The following CDH12 variants were observed in gnomAD, a reference collection of about 807,000 sequenced individuals.
The protein encoded by CDH12 is cadherin 12.
Under a neutral mutation model 74.1 loss-of-function variants are expected in CDH12, and 41 were observed. That is an observed-to-expected ratio of 0.55 (90% confidence interval 0.43 to 0.72). The LOEUF (loss-of-function observed/expected upper bound fraction) is 0.72, where lower values mean the gene tolerates loss of function less well. Among genes scored for constraint, CDH12 ranks in the 30% least tolerant of loss-of-function variants. The pLI is 0.00. For missense variants in CDH12, 945 were observed against 977.2 expected, an observed-to-expected ratio of 0.97 and a Z score of 0.44; for synonymous variants, 399 against 355.0, an observed-to-expected ratio of 1.12 and a Z score of -1.39.
At chr5:22,164,007 G>C (rs1748516842) in intron 4 of CDH12, among the ~76,000 whole-genome samples, 1 of 152,184 alleles carries the variant, frequency 6.6e-6, no homozygotes, top group Non-Finnish European at 1.5e-5. Context: ...TATGTCCCAT[G>C]AATCTGTAGA....
chr5:22,532,350 G>GAGATATATATATATATATATATATATAT (rs1737621393), intron 1 of CDH12, among the ~76,000 whole-genome samples: 2 of 27,576 alleles, frequency 7.3e-5, no homozygotes, highest in African/African-American at 1.5e-4. Flanking sequence ...ATATAAATAG[G>GAGATATATATATATATATATATATATAT]ATATATATAT....
intron 1 of CDH12, among the ~76,000 whole-genome samples, chr5:22,658,662 A>T (rs1740186521): frequency 6.6e-6 from 1 of 152,100 alleles, no homozygotes; most frequent in Admixed American, 6.5e-5. Flanking sequence ...AAGAAAGAAG[A>T]CACCCTCCTA....
intron 1 of CDH12, among the ~76,000 whole-genome samples, chr5:22,520,532 T>C (rs950714424): frequency 6.6e-6 from 1 of 152,154 alleles, no homozygotes; most frequent in Non-Finnish European, 1.5e-5. Flanking sequence ...GTATGAATAA[T>C]ACAGCCATGG....
chr5:22,261,609 A>G (rs1753515147), intron 3 of CDH12, among the ~76,000 whole-genome samples: 1 of 152,074 alleles, frequency 6.6e-6, no homozygotes, highest in Admixed American at 6.6e-5. Context: ...TTTTCATACA[A>G]ATTAATGTAG....
intron 1 of CDH12, among the ~76,000 whole-genome samples, chr5:22,775,856 G>C (rs576957706): frequency 2.0e-5 from 3 of 152,198 alleles, no homozygotes; most frequent in East Asian, 1.9e-4. Context: ...AGGGACCCAG[G>C]GGGGAGGTAA....
rs191915433 is a variant in CDH12 at position 22,570,221 on chromosome 5, A to C, written c.-522-64857T>G. ...CAGGCGCCCACCACCACACCTGGCT[A>C]ATTTTTGTATTTTTACTAGGTTTCA... On this transcript the variant is annotated intron_variant, in intron 1 of 14. Coordinates refer to ENST00000382254, the MANE Select transcript of CDH12 (RefSeq NM_004061.5). 2.5e-3 allele frequency among the ~76,000 whole-genome samples: 377 copies of C among 151,696 alleles called. 1 individual carries two copies. Among genetic ancestry groups the C allele is most frequent in the Non-Finnish European group, 4.4e-3 (296 of 67,918 alleles).
chr5:22,827,697 A>T (rs1736408630), intron 1 of CDH12, among the ~76,000 whole-genome samples: 1 of 152,182 alleles, frequency 6.6e-6, no homozygotes, highest in Admixed American at 6.5e-5. Context: ...CATTGATGTA[A>T]ATCCAAAGAA....
chr5:22,386,899 T>C (rs1328545568), intron 3 of CDH12, among the ~76,000 whole-genome samples: 1 of 151,976 alleles, frequency 6.6e-6, no homozygotes, highest in Non-Finnish European at 1.5e-5. Context: ...ACTATAATTT[T>C]TAAAAATTTG....
At chr5:22,452,354 T>A (rs1745076835) in intron 2 of CDH12, among the ~76,000 whole-genome samples, 2 of 151,798 alleles carry the variant, frequency 1.3e-5, no homozygotes, top group South Asian at 4.1e-4. Context: ...AACAGCATAA[T>A]CCTAGCATAA....
rs528458218 is a variant in CDH12, at chr5:21,756,540, A to C, written c.1634-698T>G. 2.6e-5 allele frequency among the ~76,000 whole-genome samples: 4 copies of C among 152,276 alleles called. No homozygotes were observed. The South Asian group carries it at 8.3e-4, about 32-fold the overall frequency. ...CTTGCAATAATGTGAGACAATAAAA[A>C]TTACTATTTTTATATAAATGCAATT... On this transcript the variant is annotated intron_variant, in intron 13 of 14. Coordinates refer to ENST00000382254, the MANE Select transcript of CDH12 (RefSeq NM_004061.5).
At chr5:22,231,978 C>T (rs907801718) in intron 3 of CDH12, among the ~76,000 whole-genome samples, 4 of 151,754 alleles carry the variant, frequency 2.6e-5, no homozygotes, top group Admixed American at 1.3e-4. Context: ...CAACTATTTT[C>T]GAAGATATTT....
chr5:22,072,902 G>A (rs1173113734), intron 5 of CDH12, among the ~76,000 whole-genome samples: 1 of 152,058 alleles, frequency 6.6e-6, no homozygotes, highest in Non-Finnish European at 1.5e-5. Context: ...TAGACCACCT[G>A]GTTGACATGT....
chr5:22,627,560 C>A (rs545246527), intron 1 of CDH12, among the ~76,000 whole-genome samples: 2 of 151,972 alleles, frequency 1.3e-5, no homozygotes, highest in African/African-American at 4.8e-5. Flanking sequence ...GAATTCCTTG[C>A]CACTTTACAA....
intron 8 of CDH12, among the ~76,000 whole-genome samples, chr5:21,819,451 T>C (rs1300040472): frequency 6.6e-6 from 1 of 152,044 alleles, no homozygotes; most frequent in East Asian, 1.9e-4. Context: ...ATACGATTTA[T>C]CAGAAACTGT....
chr5:21,795,533 T>C (rs4566756), intron 10 of CDH12, among the ~76,000 whole-genome samples: 103,570 of 151,714 alleles, frequency 0.68, 36,327 homozygotes, highest in Non-Finnish European at 0.77. Context: ...AAATCTCTGC[T>C]GCTGTGCAGT....
intron 6 of CDH12, among the ~76,000 whole-genome samples, chr5:21,866,897 G>A (rs941551684): frequency 2.0e-5 from 3 of 152,130 alleles, no homozygotes; most frequent in African/African-American, 7.2e-5. Flanking sequence ...TTGTGGGCCT[G>A]CCCCAGGGTC....
At chr5:22,503,165 C>G (rs1736241833) in intron 2 of CDH12, among the ~76,000 whole-genome samples, 1 of 151,976 alleles carries the variant, frequency 6.6e-6, no homozygotes, top group Admixed American at 6.6e-5. Context: ...TTCTCTTTCC[C>G]TTTACTTTTT....
chr5:22,801,290 C>T (rs916821144), intron 1 of CDH12, among the ~76,000 whole-genome samples: 2 of 152,034 alleles, frequency 1.3e-5, no homozygotes, highest in African/African-American at 4.8e-5. Flanking sequence ...TTCAGTACAT[C>T]AGAAAATTAG....
chr5:22,689,552 T>G (rs766832049), intron 1 of CDH12, among the ~76,000 whole-genome samples: 16 of 152,018 alleles, frequency 1.1e-4, no homozygotes, highest in Admixed American at 2.0e-4. Context: ...AACTAGGAAG[T>G]TGACCCATAT....
Sources: gnomAD v4.1 joint callset for allele counts (sites outside exome capture counted in the v4.1 genomes callset) on GRCh38, gnomAD v4.1.1 for gene constraint, MANE v1.5 for transcripts, NCBI Gene and HGNC (gene_info 2026-07-23, HGNC 2026-07-21) for gene names.